ROCK2: variants seen among roughly 807,000 people sequenced by gnomAD.
ROCK2 encodes the protein Rho associated coiled-coil containing protein kinase 2, also known as rho-associated protein kinase 2.
ROCK2 carries 61 observed loss-of-function variants against 195.1 expected under a neutral mutation model. That is an observed-to-expected ratio of 0.31 (90% CI 0.25 to 0.39). The LOEUF is 0.39. Among genes scored for constraint, ROCK2 ranks in the 10% least tolerant of loss-of-function variants. The probability of loss-of-function intolerance (pLI) is 1.00; values close to 1 mark genes in which losing one functional copy is unlikely to be tolerated. For missense variants in ROCK2, 1,109 were observed against 1,637.4 expected (o/e 0.68, Z 5.57); for synonymous variants, 504 against 545.5 (o/e 0.92, Z 1.06).
chr2:11,197,202 A>G lies in ROCK2; in HGVS notation c.3426T>C (p.Ala1142=). ...SSSIGSGPGD[A]EADDGFPESR... ...TACCTGGAAACCCATCATCTGCCTC[A>G]GCATCCCCTGGTCCACTGCCTATAC... Residue 1142 remains alanine (A), a synonymous_variant, in exon 27 of 33, where the codon GCT becomes GCC. Transcript: ENST00000315872. This position sits in a 1 kb window ranked among gnomAD's most constrained non-coding sequence, Gnocchi z 4.9. The G allele has an allele frequency of 1.2e-6, 2 of 1,605,170 alleles. No individual in the cohort carries two copies. The highest frequency in any genetic ancestry group is 1.7e-6 in the Non-Finnish European group (2 of 1,177,366).
chr2:11,266,984 C>T (rs1266598078), intron 3 of ROCK2, among the ~76,000 whole-genome samples: 1 of 152,140 alleles, frequency 6.6e-6, no homozygotes, highest in Non-Finnish European at 1.5e-5. Flanking sequence ...TTTATTTATA[C>T]ATCTTCCTTT....
At chr2:11,216,307 T>G (rs1337409798) in intron 12 of ROCK2, 101 bp from the exon 13 acceptor site, 1 of 894,922 alleles carries the variant, frequency 1.1e-6, no homozygotes, top group Non-Finnish European at 1.8e-6. Context: ...TAGCTCTCCT[T>G]TATTTTTCTG....
At chr2:11,252,390 G>GAA (rs528040157) in intron 3 of ROCK2, among the ~76,000 whole-genome samples, 1 of 133,614 alleles carries the variant, frequency 7.5e-6, no homozygotes, top group South Asian at 2.4e-4. Context: ...CAGCCTGGGT[G>GAA]AAAAAAAAAA....
intron 4 of ROCK2, among the ~76,000 whole-genome samples, chr2:11,237,322 G>A (rs1372624616): frequency 1.3e-5 from 2 of 152,146 alleles, no homozygotes; most frequent in African/African-American, 4.8e-5. Flanking sequence ...AAAAATGAAT[G>A]TTCTCTGAAC....
chr2:11,308,716 A>C, intron 1 of ROCK2: 1 of 1,611,100 alleles, frequency 6.2e-7, no homozygotes, highest in South Asian at 1.1e-5. Context: ...ATGTTGAAAA[A>C]TTAACCAAAG....
At chr2:11,191,282 G>A (rs1394695744) in intron 32 of ROCK2, among the ~76,000 whole-genome samples, 3 of 152,142 alleles carry the variant, frequency 2.0e-5, no homozygotes, top group Non-Finnish European at 4.4e-5. Flanking sequence ...TGTGAATCAC[G>A]ATATTTAACT....
At chr2:11,217,480 A>G (rs1314035144) in intron 11 of ROCK2, among the ~76,000 whole-genome samples, 3 of 152,188 alleles carry the variant, frequency 2.0e-5, no homozygotes, top group Non-Finnish European at 4.4e-5. Context: ...ACCACCTCAG[A>G]TATCTTCTGC....
chr2:11,302,646 G>A (rs748533266), intron 1 of ROCK2, among the ~76,000 whole-genome samples: 46 of 152,162 alleles, frequency 3.0e-4, no homozygotes, highest in Non-Finnish European at 5.4e-4. Context: ...CACCTGAAAT[G>A]TGGTTAGCTT....
chr2:11,211,014 A>G (rs1664228373), intron 18 of ROCK2, among the ~76,000 whole-genome samples: 2 of 152,242 alleles, frequency 1.3e-5, no homozygotes, highest in African/African-American at 2.4e-5. Context: ...TTTCACAAGA[A>G]TAGCTTAAAG....
At chr2:11,341,311 T>C (rs1425893366) in intron 1 of ROCK2, among the ~76,000 whole-genome samples, 2 of 152,198 alleles carry the variant, frequency 1.3e-5, no homozygotes, top group African/African-American at 2.4e-5. Flanking sequence ...ATTCAAATGA[T>C]AATGCTACTC....
At chr2:11,333,636 T>A (rs572780198) in intron 1 of ROCK2, among the ~76,000 whole-genome samples, 1 of 152,322 alleles carries the variant, frequency 6.6e-6, no homozygotes, top group Admixed American at 6.5e-5. Context: ...TGACTTGCAA[T>A]GACACACTTG....
At chr2:11,294,189 A>G (rs1572372852) in intron 1 of ROCK2, among the ~76,000 whole-genome samples, 1 of 152,098 alleles carries the variant, frequency 6.6e-6, no homozygotes, top group African/African-American at 2.4e-5. Flanking sequence ...TAAGACAAAG[A>G]GAGAGAGAAA....
intron 11 of ROCK2, chr2:11,217,858 A>G (rs1166919852): frequency 6.5e-6 from 1 of 152,824 alleles, no homozygotes; most frequent in African/African-American, 2.4e-5. Context: ...AATATCAGGC[A>G]CTTTACAAAT....
intron 5 of ROCK2, among the ~76,000 whole-genome samples, chr2:11,232,502 T>C (rs1317806574): frequency 6.6e-6 from 1 of 152,202 alleles, no homozygotes; most frequent in African/African-American, 2.4e-5. Context: ...TGTTGAGCCT[T>C]AAACTTGCAA....
chr2:11,188,166 A>G (rs920133706), intron 32 of ROCK2, among the ~76,000 whole-genome samples: 1 of 136,690 alleles, frequency 7.3e-6, no homozygotes, highest in East Asian at 2.1e-4. Context: ...GTTGGAGTGC[A>G]GTGGTGCGAT....
At chr2:11,298,485 A>C (rs963500108) in intron 1 of ROCK2, among the ~76,000 whole-genome samples, 1 of 151,704 alleles carries the variant, frequency 6.6e-6, no homozygotes, top group Non-Finnish European at 1.5e-5. Context: ...AAAAAAAAAA[A>C]AAAAAAACCA....
intron 3 of ROCK2, among the ~76,000 whole-genome samples, chr2:11,269,510 CAAA>C (rs61527035): frequency 8.1e-5 from 11 of 136,510 alleles, no homozygotes; most frequent in African/African-American, 2.0e-4. Context: ...GACTCCATCT[CAAA>C]AAAAAAAAAA....
At chr2:11,199,047 T>C (rs1308942873) in intron 23 of ROCK2, among the ~76,000 whole-genome samples, 3 of 150,834 alleles carry the variant, frequency 2.0e-5, no homozygotes, top group African/African-American at 7.3e-5. Flanking sequence ...ATTACAGGCA[T>C]GCGCCACCAC....
chr2:11,272,762 C>A (rs1238669752), intron 3 of ROCK2, among the ~76,000 whole-genome samples: 1 of 150,288 alleles, frequency 6.7e-6, no homozygotes, highest in Non-Finnish European at 1.5e-5. Flanking sequence ...CCCAGCTACT[C>A]GGGAGGCTGA....
Sources: gnomAD v4.1 joint callset for allele counts (sites outside exome capture counted in the v4.1 genomes callset) on GRCh38, gnomAD v4.1.1 for gene constraint, Gnocchi (gnomAD v3.1) non-coding constraint, MANE v1.5 for transcripts, NCBI Gene and HGNC (gene_info 2026-07-23, HGNC 2026-07-21) for gene names.